The following OPCML variants were observed in gnomAD, a reference collection of about 807,000 sequenced individuals.
OPCML encodes opioid binding protein/cell adhesion molecule like, also known as opioid-binding protein/cell adhesion molecule.
In OPCML, 13 loss-of-function variants were observed where a neutral mutation model predicts 37.8. The ratio of observed to expected loss-of-function variants is 0.34; its 90% confidence interval spans 0.22 to 0.55. OPCML has a LOEUF of 0.55. OPCML is among the 20% of genes least tolerant of loss of function. The pLI is 0.91. For synonymous variants in OPCML, 176 were observed against 168.8 expected (o/e 1.04, Z -0.33); for missense variants, 341 against 435.6 (o/e 0.78, Z 1.93).
chr11:132,847,360 G>A (rs573239301), intron 2 of OPCML, among the ~76,000 whole-genome samples: 6 of 152,060 alleles, frequency 3.9e-5, no homozygotes, highest in East Asian at 3.9e-4. Context: ...CTGTCAAAAC[G>A]TCCGTGGAGT....
At chr11:132,558,831 G>A (rs912057963) in intron 3 of OPCML, among the ~76,000 whole-genome samples, 1 of 151,916 alleles carries the variant, frequency 6.6e-6, no homozygotes, top group African/African-American at 2.4e-5. Context: ...ATTGTTGACC[G>A]TTCAATTTTT....
At chr11:132,457,146 G>C (rs921481290) in intron 4 of OPCML, among the ~76,000 whole-genome samples, 1 of 152,164 alleles carries the variant, frequency 6.6e-6, no homozygotes, top group Non-Finnish European at 1.5e-5. Flanking sequence ...TTTTGAAAGG[G>C]CATTCCAGGC....
At chr11:132,665,944 T>C (rs967157079) in intron 2 of OPCML, among the ~76,000 whole-genome samples, 1 of 152,210 alleles carries the variant, frequency 6.6e-6, no homozygotes, top group Non-Finnish European at 1.5e-5. Context: ...ATCTGTCCAT[T>C]TGTTTAACAA....
intron 1 of OPCML, among the ~76,000 whole-genome samples, chr11:133,507,776 AT>A (rs1948066478): frequency 6.6e-6 from 1 of 151,942 alleles, no homozygotes; most frequent in African/African-American, 2.4e-5. Flanking sequence ...GAAACCCCAT[AT>A]CTACTACAAA....
At chr11:132,431,881 G>A (rs958299225) in intron 7 of OPCML, among the ~76,000 whole-genome samples, 1 of 152,172 alleles carries the variant, frequency 6.6e-6, no homozygotes, top group Non-Finnish European at 1.5e-5. Flanking sequence ...TGTGTGTTGG[G>A]GAAGTAGGAG....
intron 1 of OPCML, among the ~76,000 whole-genome samples, chr11:133,465,964 C>T (rs1165654773): frequency 6.6e-6 from 1 of 152,174 alleles, no homozygotes; most frequent in Non-Finnish European, 1.5e-5. Flanking sequence ...ATGTTTTATG[C>T]ATTTGTTTAG....
intron 1 of OPCML, among the ~76,000 whole-genome samples, chr11:133,152,519 C>G (rs997141757): frequency 1.3e-5 from 2 of 152,070 alleles, no homozygotes; most frequent in African/African-American, 4.8e-5. Flanking sequence ...CCCACCCTCC[C>G]TAATCCTCTC....
intron 2 of OPCML, among the ~76,000 whole-genome samples, chr11:132,901,678 G>A (rs1377759455): frequency 5.9e-5 from 9 of 152,136 alleles, no homozygotes; most frequent in Admixed American, 1.3e-4. Flanking sequence ...AGATGGGCAC[G>A]GTGCGTCCTC....
intron 2 of OPCML, among the ~76,000 whole-genome samples, chr11:132,679,998 T>G (rs1237699211): frequency 1.3e-5 from 2 of 152,166 alleles, no homozygotes; most frequent in African/African-American, 4.8e-5. Context: ...TTATCTCAAT[T>G]TATTCTTCAA....
At position 132,657,336 on chromosome 11, in the gene OPCML, A is replaced by T. The variant is rs1941759226; in HGVS notation, c.147-17T>A. ...ATGGTACACCTGCAGTGAGGCAGGG[A>T]GTGGTGGAGGGAGGAAGAAGGGAAA... is the stretch of plus-strand genomic sequence containing the variant. On this transcript the variant is annotated splice_polypyrimidine_tract_variant and intron_variant, in intron 2 of 7. Coordinates refer to ENST00000524381, the MANE Select transcript of OPCML (RefSeq NM_001012393.5). 6.2e-7 allele frequency: 1 copy of T among 1,612,908 alleles called. No homozygotes were observed. The highest frequency in any genetic ancestry group is 8.5e-7 in the Non-Finnish European group (1 of 1,179,164).
intron 1 of OPCML, among the ~76,000 whole-genome samples, chr11:133,037,265 G>T (rs1272086477): frequency 3.9e-5 from 6 of 152,190 alleles, no homozygotes; most frequent in African/African-American, 1.2e-4. Context: ...ATTCTGGGAA[G>T]TAATCTCAAT....
intron 1 of OPCML, among the ~76,000 whole-genome samples, chr11:133,230,289 G>A (rs959343818): frequency 6.6e-6 from 1 of 152,194 alleles, no homozygotes. Flanking sequence ...TGATGCTGGT[G>A]GGGCTCATGG....
intron 2 of OPCML, among the ~76,000 whole-genome samples, chr11:132,881,110 T>C (rs1039298198): frequency 7.9e-5 from 12 of 152,248 alleles, no homozygotes; most frequent in Non-Finnish European, 1.8e-4. Context: ...TGCCACCATT[T>C]ATTCTTTAGT....
chr11:132,836,136 A>G (rs979251507), intron 2 of OPCML, among the ~76,000 whole-genome samples: 2 of 152,216 alleles, frequency 1.3e-5, no homozygotes. Context: ...TCCATGTTTC[A>G]ACAGGGAACT....
chr11:133,031,952 T>A (rs1947682531), intron 1 of OPCML, among the ~76,000 whole-genome samples: 1 of 152,214 alleles, frequency 6.6e-6, no homozygotes, highest in African/African-American at 2.4e-5. Context: ...TTTTTTTCTG[T>A]ACATTAACTC....
intron 1 of OPCML, among the ~76,000 whole-genome samples, chr11:133,093,367 T>C (rs1390427902): frequency 2.0e-5 from 3 of 152,108 alleles, no homozygotes; most frequent in Non-Finnish European, 4.4e-5. Flanking sequence ...TAGGTATACA[T>C]GTGCCGTGGT....
intron 2 of OPCML, among the ~76,000 whole-genome samples, chr11:132,836,423 A>G (rs1941004037): frequency 6.6e-6 from 1 of 152,322 alleles, no homozygotes; most frequent in South Asian, 2.1e-4. Context: ...GAGAAATAAC[A>G]TAACTGTCTT....
At chr11:132,858,577 C>T (rs1386241874) in intron 2 of OPCML, among the ~76,000 whole-genome samples, 1 of 152,020 alleles carries the variant, frequency 6.6e-6, no homozygotes, top group Non-Finnish European at 1.5e-5. Context: ...TTCCCAGAGG[C>T]CCCTTTCTTC....
Position 133,434,966 on chromosome 11 carries a change from C to A in OPCML, c.61+97298G>T, listed in dbSNP as rs1055930260. ...TGAAAGGTCCACCATACATTCTGTA[C>A]AGAAACTGGAAAAAGCAATTTATGA... On this transcript the variant is annotated intron_variant, in intron 1 of 7. Coordinates refer to ENST00000524381, the MANE Select transcript of OPCML (RefSeq NM_001012393.5). 4.6e-5 allele frequency among the ~76,000 whole-genome samples: 7 copies of A among 151,494 alleles called. No individual in the cohort carries two copies. The East Asian group carries it at 1.4e-3, about 29-fold the overall frequency.
Sources: gnomAD v4.1 joint callset for allele counts (sites outside exome capture counted in the v4.1 genomes callset) on GRCh38, gnomAD v4.1.1 for gene constraint, MANE v1.5 for transcripts, NCBI Gene and HGNC (gene_info 2026-07-23, HGNC 2026-07-21) for gene names.